The following TLK1 variants were observed in gnomAD, a reference collection of about 807,000 sequenced individuals.
TLK1 encodes the protein tousled like kinase 1, also known as serine/threonine-protein kinase tousled-like 1.
Under a neutral mutation model 105.3 loss-of-function variants are expected in TLK1, and 24 were observed. The observed-to-expected ratio is 0.23, with a 90% confidence interval of 0.17 to 0.32. The LOEUF is 0.32. Ranked by LOEUF, TLK1 falls within the 10% of genes least tolerant of loss-of-function variation. The pLI, the probability that TLK1 is intolerant of heterozygous loss-of-function variation, is 1.00. For synonymous variants in TLK1, 321 were observed against 310.4 expected, an observed-to-expected ratio of 1.03 and a Z score of -0.36; for missense variants, 558 against 910.5, an observed-to-expected ratio of 0.61 and a Z score of 4.98.
In TLK1 at chr2:171,028,847, T is replaced by C. The variant is rs1685902413; in HGVS notation, c.1170-442A>G. Among the ~76,000 whole-genome samples the C allele has an allele frequency of 2.6e-5, 4 of 152,014 alleles. No homozygotes were observed. The South Asian group carries it at 8.3e-4, about 31-fold the overall frequency. ...GCATAAAAAAAACCACGTGATGAAA[T>C]AAATAAGTTTAAGTAACAGTAAGTG... is the stretch of plus-strand genomic sequence containing the variant. On this transcript the variant is annotated intron_variant, in intron 11 of 20. Coordinates refer to ENST00000431350, the MANE Select transcript of TLK1 (RefSeq NM_012290.5).
intron 1 of TLK1, among the ~76,000 whole-genome samples, chr2:171,121,871 C>G (rs752051716): frequency 1.4e-4 from 21 of 152,192 alleles, no homozygotes; most frequent in Non-Finnish European, 2.5e-4. Flanking sequence ...ATTAGGCACC[C>G]AAGAACAAAT....
chr2:171,205,497 A>AT (rs1019309725), intron 1 of TLK1, among the ~76,000 whole-genome samples: 4 of 151,800 alleles, frequency 2.6e-5, no homozygotes, highest in African/African-American at 2.4e-5. Context: ...TAATTTTTGT[A>AT]TTTTTTTGTA....
At chr2:171,002,496 A>C (rs900524959) in intron 18 of TLK1, among the ~76,000 whole-genome samples, 1 of 151,380 alleles carries the variant, frequency 6.6e-6, no homozygotes, top group Admixed American at 6.6e-5. Context: ...GGATGGTCTC[A>C]ATCTCCTGAC....
chr2:171,095,382 C>A (rs528651329), intron 2 of TLK1, among the ~76,000 whole-genome samples: 6 of 151,826 alleles, frequency 4.0e-5, no homozygotes, highest in Non-Finnish European at 8.8e-5. Context: ...CAAGTCCTAC[C>A]AAGACCAAAA....
rs1460190003 is a variant in TLK1 at position 171,056,457 on chromosome 2, G to C, written c.549+14C>G. 6.2e-7 allele frequency: 1 copy of C among 1,609,074 alleles called. No homozygotes were observed. Among genetic ancestry groups the C allele is most frequent in the African/African-American group, 1.3e-5 (1 of 74,888 alleles). On this transcript the variant is annotated intron_variant, in intron 6 of 20. Coordinates refer to ENST00000431350, the MANE Select transcript of TLK1 (RefSeq NM_012290.5). Reference sequence around the variant, plus strand: ...CCCAAAGACTACACATGAAAAACTTGAAAGATGACTTACAGATGAGGAAGG... The same window carrying C: ...CCCAAAGACTACACATGAAAAACTTCAAAGATGACTTACAGATGAGGAAGG...
At position 171,029,612 on chromosome 2, in the gene TLK1, C is replaced by T. The variant is rs149942721; in HGVS notation, c.1170-1207G>A. The stretch of plus-strand genomic sequence containing the variant: ...CCAAGTAGCTGGGAGTACAGGTGTA[C>T]GCCACCATGCCTAGCTACTTCAAAA... On this transcript the variant is annotated intron_variant, in intron 11 of 20. Coordinates refer to ENST00000431350, the MANE Select transcript of TLK1 (RefSeq NM_012290.5). 5.3e-4 allele frequency among the ~76,000 whole-genome samples: 81 copies of T among 152,294 alleles called. 1 individual carries two copies. The East Asian group carries it at 5.6e-3, about 11-fold the overall frequency.
At chr2:171,062,943 C>T (rs933042315) in intron 3 of TLK1, among the ~76,000 whole-genome samples, 14 of 152,288 alleles carry the variant, frequency 9.2e-5, no homozygotes, top group African/African-American at 2.9e-4. Context: ...AGGTAGTTTA[C>T]TACTTTTGTT....
chr2:171,105,242 T>G (rs1461603989), intron 2 of TLK1, among the ~76,000 whole-genome samples: 1 of 152,184 alleles, frequency 6.6e-6, no homozygotes, highest in Non-Finnish European at 1.5e-5. Flanking sequence ...TTGTAAACTA[T>G]TCATCTGAGA....
upstream of TLK1, among the ~76,000 whole-genome samples, chr2:171,165,533 A>G (rs1429130706): frequency 1.3e-5 from 2 of 149,182 alleles, no homozygotes; most frequent in African/African-American, 5.0e-5. Context: ...ACATACTAAA[A>G]TGCATTTTAT....
At chr2:171,216,695 T>C (rs1335016770) in intron 1 of TLK1, among the ~76,000 whole-genome samples, 2 of 152,174 alleles carry the variant, frequency 1.3e-5, no homozygotes, top group Non-Finnish European at 2.9e-5. Flanking sequence ...TTGTAATTAG[T>C]TAAGATGAGC....
chr2:171,194,806 G>A (rs1324595178), intron 1 of TLK1, among the ~76,000 whole-genome samples: 62 of 130,026 alleles, frequency 4.8e-4, no homozygotes, highest in African/African-American at 1.8e-3. Context: ...GACAGAGCGA[G>A]ACTCCGTCTC....
At chr2:171,194,986 C>A (rs1693239136) in intron 1 of TLK1, among the ~76,000 whole-genome samples, 1 of 152,100 alleles carries the variant, frequency 6.6e-6, no homozygotes, top group South Asian at 2.1e-4. Context: ...TCTAACACAG[C>A]CCTTTCCTCA....
intron 11 of TLK1, chr2:171,045,869 T>C (rs144101807): frequency 0.015 from 3,724 of 246,524 alleles, 157 homozygotes; most frequent in Admixed American, 0.11. Context: ...AATGGAAACG[T>C]TGAATTAGAA....
intron 3 of TLK1, among the ~76,000 whole-genome samples, chr2:171,061,676 T>A (rs1263319253): frequency 1.3e-5 from 2 of 152,234 alleles, no homozygotes; most frequent in Non-Finnish European, 2.9e-5. Flanking sequence ...TTATAGCCAA[T>A]TCACAGATTA....
intron 12 of TLK1, among the ~76,000 whole-genome samples, chr2:171,015,766 T>C (rs1333222891): frequency 4.6e-5 from 7 of 151,098 alleles, no homozygotes. Flanking sequence ...ATTTGAATAC[T>C]ACTTAAAAAA....
intron 1 of TLK1, among the ~76,000 whole-genome samples, chr2:171,174,756 C>A (rs2105304372): frequency 6.6e-6 from 1 of 152,274 alleles, no homozygotes; most frequent in Non-Finnish European, 1.5e-5. Flanking sequence ...TGATTGTGTT[C>A]ACACAATAGT....
chr2:170,993,795 G>GC lies in TLK1; in HGVS notation c.2285dup (p.Ser762ArgfsTer30). 1 of 1,593,136 alleles carries GC rather than the reference G, an allele frequency of 6.3e-7. No homozygotes were observed. The highest frequency in any genetic ancestry group is 8.5e-7 in the Non-Finnish European group (1 of 1,170,342). ...TGGAGGAAAGTCAGTAAGTAATTAT[G>GC]CTTGAAGAAGGGGGTGTAGGGGATG... is the stretch of plus-strand genomic sequence containing the variant. On this transcript the variant is annotated frameshift_variant, in exon 21 of 21. Coordinates refer to ENST00000431350, the MANE Select transcript of TLK1 (RefSeq NM_012290.5). LOFTEE classifies it high-confidence loss of function.
At chr2:171,020,537 A>T (rs1575521648) in intron 12 of TLK1, among the ~76,000 whole-genome samples, 1 of 146,806 alleles carries the variant, frequency 6.8e-6, no homozygotes, top group African/African-American at 2.5e-5. Flanking sequence ...GAGACTGTCT[A>T]AAAAAAAAAA....
At chr2:171,165,802 T>C (rs561916697), upstream of TLK1, among the ~76,000 whole-genome samples, 1 of 151,922 alleles carries the variant, frequency 6.6e-6, no homozygotes, top group East Asian at 1.9e-4. Flanking sequence ...TCCCAGCTAC[T>C]CAGGAGGCTG....
Sources: gnomAD v4.1 joint callset for allele counts (sites outside exome capture counted in the v4.1 genomes callset) on GRCh38, gnomAD v4.1.1 for gene constraint, MANE v1.5 for transcripts, NCBI Gene and HGNC (gene_info 2026-07-23, HGNC 2026-07-21) for gene names.